SMYD2: variants seen among roughly 807,000 people sequenced by gnomAD.
SMYD2 encodes the protein SET and MYND domain containing 2.
A neutral mutation model predicts 59.1 loss-of-function variants in SMYD2; 53 were observed. The observed-to-expected ratio is 0.90, with a 90% CI of 0.72 to 1.13. The LOEUF is 1.13. Among genes scored for constraint, SMYD2 ranks in the 50% most tolerant of loss-of-function variants. The pLI, the probability that SMYD2 is intolerant of heterozygous loss-of-function variation, is 0.00. For synonymous variants in SMYD2, 208 were observed against 198.8 expected (o/e 1.05, Z -0.39); for missense variants, 494 against 544.7 (o/e 0.91, Z 0.93).
chr1:214,281,572 C>A (rs1162246940), intron 1 of SMYD2, 145 bp downstream of exon 1: 10 of 696,594 alleles, frequency 1.4e-5, no homozygotes, highest in Non-Finnish European at 1.8e-5. Context: ...GGGGAGGAGG[C>A]CCCGCGCTGC....
intron 6 of SMYD2, among the ~76,000 whole-genome samples, chr1:214,326,255 A>C (rs1470476907): frequency 1.3e-5 from 2 of 151,216 alleles, no homozygotes; most frequent in African/African-American, 2.4e-5. Flanking sequence ...AAAAAAAAAA[A>C]AGAGTGAGGT....
chr1:214,312,771 C>T lies in SMYD2; in HGVS notation c.238-1991C>T, dbSNP rs186014365. 1.1e-4 allele frequency among the ~76,000 whole-genome samples: 16 copies of T among 152,294 alleles called. No individual in the cohort carries two copies. The highest frequency in any genetic ancestry group is 2.0e-4 in the Admixed American group (3 of 15,306). On this transcript the variant is annotated intron_variant, in intron 2 of 11. Transcript: ENST00000366957. The surrounding 1 kb of genome is among the most constrained non-coding windows in gnomAD (Gnocchi z 4.1). ...GGGTGGTGCAGGGACGCTCCCATCA[C>T]GTGTGGCCTCCTAGGTCACCTTTAG...
intron 5 of SMYD2, among the ~76,000 whole-genome samples, chr1:214,323,162 G>A (rs1657200290): frequency 6.6e-6 from 1 of 152,160 alleles, no homozygotes; most frequent in African/African-American, 2.4e-5. Context: ...TTCTTCCAGT[G>A]CTGAAATTTT....
chr1:214,318,133 G>C lies in SMYD2; in HGVS notation c.403G>C (p.Glu135Gln). The change falls in exon 4 of 12, where the codon GAA becomes CAA. Residue 135 changes from glutamate (E) to glutamine (Q), a missense_variant. Coordinates refer to ENST00000366957, the MANE Select transcript of SMYD2 (RefSeq NM_020197.3). This position sits in a 1 kb window ranked among gnomAD's most constrained non-coding sequence, Gnocchi z 5.4. ...SEKLLAVKEF[E>Q]SHLDKLDNEK... ...AAAATTGTTAGCTGTGAAGGAGTTT[G>C]AATCACGTAAGTCTTTCTGTGACCA... The C allele has an allele frequency of 6.2e-7, 1 of 1,613,878 alleles. No individual in the cohort carries two copies. Among genetic ancestry groups the C allele is most frequent in the Non-Finnish European group, 8.5e-7 (1 of 1,179,964 alleles).
chr1:214,332,347 C>T (rs1657369883), intron 10 of SMYD2, 155 bp downstream of exon 10: 1 of 829,322 alleles, frequency 1.2e-6, no homozygotes, highest in African/African-American at 1.7e-5. Context: ...CAGGGCACTG[C>T]TCCCGAGTCA....
chr1:214,330,057 A>G (rs893352920), intron 7 of SMYD2, 111 bp from the exon 8 acceptor site: 34 of 612,602 alleles, frequency 5.6e-5, no homozygotes, highest in Admixed American at 9.8e-5. Flanking sequence ...CCTCCGCTGC[A>G]GCCCGCCTTA....
At position 214,295,822 on chromosome 1, in the gene SMYD2, C is replaced by T. The variant is rs531485692; in HGVS notation, c.174-9365C>T. ...TGACCAGGGTTATAATAGGGTTCTG[C>T]CACAATTCCTCCAATTTTTATTTCT... On this transcript the variant is annotated intron_variant, in intron 1 of 11. Transcript: ENST00000366957. 2.7e-4 allele frequency among the ~76,000 whole-genome samples: 41 copies of T among 152,322 alleles called. 1 individual carries two copies. Among genetic ancestry groups the T allele is most frequent in the Non-Finnish European group, 8.8e-5 (6 of 68,034 alleles).
At chr1:214,324,964 G>A (rs576613723) in intron 6 of SMYD2, among the ~76,000 whole-genome samples, 70 of 152,284 alleles carry the variant, frequency 4.6e-4, no homozygotes, top group Middle Eastern at 6.8e-3. Context: ...TTTATAGCGC[G>A]CATAGAAGGA....
chr1:214,330,933 G>A lies in SMYD2; in HGVS notation c.817-17G>A, dbSNP rs367719620. 1.2e-6 allele frequency: 2 copies of A among 1,613,872 alleles called. No individual in the cohort carries two copies. The highest frequency in any genetic ancestry group is 2.2e-5 in the East Asian group (1 of 44,878). On this transcript the variant is annotated splice_polypyrimidine_tract_variant and intron_variant, in intron 8 of 11. Coordinates refer to ENST00000366957, the MANE Select transcript of SMYD2 (RefSeq NM_020197.3). ...CCATGGGCGGTAACGCCTTGCCCTT[G>A]TGGACGTTTCCTTCAGGATAAGGCC...
intron 1 of SMYD2, among the ~76,000 whole-genome samples, chr1:214,300,387 T>G (rs1656802388): frequency 6.6e-6 from 1 of 152,082 alleles, no homozygotes; most frequent in African/African-American, 2.4e-5. Context: ...AATCCTTGTT[T>G]TCTTACAATC....
In SMYD2 at chr1:214,336,811, T is replaced by TAAAC. The variant is rs1657447603; in HGVS notation, c.*29_*32dup. ...ACTATGCAGCATTTCAGTTTTCATT[T>TAAAC]AAACACTTAGTTCAGAAACCTTAAA... On this transcript the variant is annotated 3_prime_UTR_variant, in exon 12 of 12. Coordinates refer to ENST00000366957, the MANE Select transcript of SMYD2 (RefSeq NM_020197.3). 16 of 1,590,412 alleles carry TAAAC rather than the reference T, an allele frequency of 1.0e-5. No homozygotes were observed. Among genetic ancestry groups the TAAAC allele is most frequent in the Non-Finnish European group, 1.3e-5 (15 of 1,162,014 alleles).
At chr1:214,305,549 C>T (rs549049586) in intron 2 of SMYD2, among the ~76,000 whole-genome samples, 1 of 152,320 alleles carries the variant, frequency 6.6e-6, no homozygotes, top group African/African-American at 2.4e-5. Context: ...GCAGAGTTGA[C>T]AAATAAACAA....
intron 1 of SMYD2, among the ~76,000 whole-genome samples, chr1:214,298,186 G>A (rs1264009975): frequency 6.6e-6 from 1 of 152,140 alleles, no homozygotes; most frequent in Admixed American, 6.5e-5. Flanking sequence ...AAAACAGCAT[G>A]GTATGGTTAC....
At chr1:214,309,967 T>A (rs1656974020) in intron 2 of SMYD2, among the ~76,000 whole-genome samples, 1 of 152,234 alleles carries the variant, frequency 6.6e-6, no homozygotes, top group Non-Finnish European at 1.5e-5. Flanking sequence ...AGAAATCCTG[T>A]GACATTTTCT....
At chr1:214,324,786 C>A in intron 6 of SMYD2, 78 bp downstream of exon 6, 1 of 1,300,346 alleles carries the variant, frequency 7.7e-7, no homozygotes. Context: ...TTTTAAATAA[C>A]CCACCTAACT....
chr1:214,298,546 A>C (rs1656768896), intron 1 of SMYD2, among the ~76,000 whole-genome samples: 2 of 152,194 alleles, frequency 1.3e-5, no homozygotes, highest in South Asian at 4.1e-4. Context: ...TGAAAGTGGG[A>C]CCTAATTAAG....
Position 214,318,737 on chromosome 1 carries a change from G to A in SMYD2, c.410-122G>A. Reference sequence around the variant, plus strand: ...AGAATGTTCTCTGGGGGTTCAACATGTTAGTTTTGGGTTTTTTTTTTTTCG... The same window carrying A: ...AGAATGTTCTCTGGGGGTTCAACATATTAGTTTTGGGTTTTTTTTTTTTCG... On this transcript the variant is annotated intron_variant, in intron 4 of 11. Transcript: ENST00000366957. This position sits in a 1 kb window ranked among gnomAD's most constrained non-coding sequence, Gnocchi z 5.4. The A allele has an allele frequency of 8.6e-7, 1 of 1,168,474 alleles. No individual in the cohort carries two copies. The allele number at this position is 1,168,474 out of a possible 1,614,324, so 72.4% of individuals were successfully genotyped here. A position where few individuals can be genotyped will look rare whatever the true frequency, so the allele number is the denominator to read the frequency against.
chr1:214,305,340 C>A, intron 2 of SMYD2, 90 bp downstream of exon 2: 2 of 1,254,896 alleles, frequency 1.6e-6, no homozygotes, highest in Non-Finnish European at 1.2e-6. Flanking sequence ...CCTCCTGGAG[C>A]CAGAGCTGGA....
chr1:214,332,949 C>T (rs958305679), intron 10 of SMYD2: 2 of 152,132 alleles, frequency 1.3e-5, no homozygotes, highest in African/African-American at 4.8e-5. Context: ...GGCATTAGAC[C>T]CAGAAATCTG....
Sources: gnomAD v4.1 joint callset for allele counts (sites outside exome capture counted in the v4.1 genomes callset) on GRCh38, gnomAD v4.1.1 for gene constraint, Gnocchi (gnomAD v3.1) non-coding constraint, MANE v1.5 for transcripts, NCBI Gene and HGNC (gene_info 2026-07-23, HGNC 2026-07-21) for gene names.